The following RFTN1 variants were observed in gnomAD, a reference collection of about 807,000 sequenced individuals.
RFTN1 encodes raftlin, lipid raft linker 1.
RFTN1 carries 26 observed loss-of-function variants against 46.5 expected under a neutral mutation model. That is an observed-to-expected ratio of 0.56 (90% CI 0.41 to 0.78). The LOEUF (loss-of-function observed/expected upper bound fraction) is 0.78. RFTN1 is among the 30% of genes least tolerant of loss of function. RFTN1 has a pLI of 0.00. For synonymous variants in RFTN1, 261 were observed against 284.2 expected (o/e 0.92, Z 0.82); for missense variants, 693 against 718.7 (o/e 0.96, Z 0.41).
At chr3:16,497,168 T>C (rs1013550737) in intron 1 of RFTN1, among the ~76,000 whole-genome samples, 2 of 152,204 alleles carry the variant, frequency 1.3e-5, no homozygotes, top group African/African-American at 4.8e-5. Context: ...ACTGGGCCAC[T>C]GAGCAGTCTC....
In RFTN1 at chr3:16,402,400, A is replaced by C. The variant is rs62236336; in HGVS notation, c.441+6975T>G. On this transcript the variant is annotated intron_variant, in intron 4 of 9. Transcript: ENST00000334133. This position sits in a 1 kb window ranked among gnomAD's most constrained non-coding sequence, Gnocchi z 4.5. ...ACACTCATTGCTGGGATGACACTCC[A>C]TTTTCTGCCTTTACTTCCCCTCAAC... Among the ~76,000 whole-genome samples the C allele has an allele frequency of 0.059, 8,968 of 151,862 alleles. 349 individuals carry two copies. The highest frequency in any genetic ancestry group is 0.11 in the South Asian group (513 of 4,798).
At chr3:16,389,987 G>A (rs1019464987) in intron 4 of RFTN1, among the ~76,000 whole-genome samples, 8 of 152,156 alleles carry the variant, frequency 5.3e-5, no homozygotes, top group African/African-American at 1.9e-4. Flanking sequence ...GCAGTCTGTC[G>A]AGAGGCCTAC....
At chr3:16,416,113 C>A in intron 3 of RFTN1, 1 of 426,964 alleles carries the variant, frequency 2.3e-6, no homozygotes, top group South Asian at 1.7e-5. Flanking sequence ...CCCACTTACA[C>A]AGAGCACTGG....
intron 1 of RFTN1, among the ~76,000 whole-genome samples, chr3:16,503,444 C>T (rs113062930): frequency 3.9e-5 from 6 of 152,300 alleles, no homozygotes; most frequent in South Asian, 2.1e-4. Context: ...AGCCCTGATG[C>T]TCAGGCATTT....
At chr3:16,487,931 C>A (rs915957621) in intron 2 of RFTN1, among the ~76,000 whole-genome samples, 1 of 152,168 alleles carries the variant, frequency 6.6e-6, no homozygotes, top group Non-Finnish European at 1.5e-5. Context: ...AAGACCCAAT[C>A]AAATCACCCA....
chr3:16,426,154 C>T lies in RFTN1; in HGVS notation c.332+7697G>A, dbSNP rs891384326. Among the ~76,000 whole-genome samples, 7 of 152,154 alleles carry T rather than the reference C, an allele frequency of 4.6e-5. No individual in the cohort carries two copies. The highest frequency in any genetic ancestry group is 4.1e-4 in the South Asian group (2 of 4,820). On this transcript the variant is annotated intron_variant, in intron 3 of 9. Coordinates refer to ENST00000334133, the MANE Select transcript of RFTN1 (RefSeq NM_015150.2). This position sits in a 1 kb window ranked among gnomAD's most constrained non-coding sequence, Gnocchi z 5.9. ...ACGCATCAATCAGTGCTAAACCCACCGTTACTTTCTTCCCCACGTGTGATT... is the reference window on the plus strand; with the variant it reads ...ACGCATCAATCAGTGCTAAACCCACTGTTACTTTCTTCCCCACGTGTGATT...
At chr3:16,431,128 C>T (rs534863245) in intron 3 of RFTN1, among the ~76,000 whole-genome samples, 9 of 152,324 alleles carry the variant, frequency 5.9e-5, no homozygotes, top group South Asian at 2.1e-4. Context: ...AAAGATCCAT[C>T]GATGTGCCCC....
At chr3:16,343,941 TGAC>T (rs1375145088) in intron 7 of RFTN1, among the ~76,000 whole-genome samples, 1 of 152,158 alleles carries the variant, frequency 6.6e-6, no homozygotes, top group Non-Finnish European at 1.5e-5. Flanking sequence ...GGGCTGGAAA[TGAC>T]GAGCAACTGC....
chr3:16,404,737 C>G (rs1360531170), intron 4 of RFTN1, among the ~76,000 whole-genome samples: 2 of 152,020 alleles, frequency 1.3e-5, no homozygotes, highest in Admixed American at 6.6e-5. Context: ...TTTGCAGAGC[C>G]CTCGTTCCAC....
chr3:16,442,089 G>A lies in RFTN1; in HGVS notation c.146-8052C>T, dbSNP rs2075636653. On this transcript the variant is annotated intron_variant, in intron 2 of 9. Coordinates refer to ENST00000334133, the MANE Select transcript of RFTN1 (RefSeq NM_015150.2). This position sits in a 1 kb window ranked among gnomAD's most constrained non-coding sequence, Gnocchi z 4.1. ...AAGGGCTTTAAAAATTTAGACTTCT[G>A]TCATCTTCTCATTAAACAAACTCAT... 6.6e-6 allele frequency among the ~76,000 whole-genome samples: 1 copy of A among 152,078 alleles called. No homozygotes were observed.
At chr3:16,453,193 T>G (rs962367558) in intron 2 of RFTN1, among the ~76,000 whole-genome samples, 1 of 152,240 alleles carries the variant, frequency 6.6e-6, no homozygotes, top group African/African-American at 2.4e-5. Context: ...GGGTTGAACC[T>G]GACATTCAAA....
At chr3:16,323,311 C>T (rs1219205428) in intron 9 of RFTN1, 65 bp downstream of exon 9, 15 of 1,246,056 alleles carry the variant, frequency 1.2e-5, no homozygotes, top group African/African-American at 7.6e-5. Context: ...TCAAATGCTG[C>T]AGAAAATCCA....
rs941632450 is a variant in RFTN1 at position 16,504,693 on chromosome 3, G to A, written c.-9+8749C>T. On this transcript the variant is annotated intron_variant, in intron 1 of 9. Coordinates refer to ENST00000334133, the MANE Select transcript of RFTN1 (RefSeq NM_015150.2). The surrounding 1 kb of genome is among the most constrained non-coding windows in gnomAD (Gnocchi z 4.4). ...CCTTAGCACTCACACTCCCTCTCTT[G>A]CCCTAACTTGACCTGCTCCAGGCAA... Among the ~76,000 whole-genome samples the A allele has an allele frequency of 6.6e-6, 1 of 152,022 alleles. No individual in the cohort carries two copies. The highest frequency in any genetic ancestry group is 2.4e-5 in the African/African-American group (1 of 41,368).
rs1271905799 is a variant in RFTN1 at position 16,400,816 on chromosome 3, A to T, written c.441+8559T>A. ...GCCAGGGTGGGAGAGGAACTTCATAAGAAAACAGCGGCCTCCAGGCAGTAG... is the reference window on the plus strand; with the variant it reads ...GCCAGGGTGGGAGAGGAACTTCATATGAAAACAGCGGCCTCCAGGCAGTAG... On this transcript the variant is annotated intron_variant, in intron 4 of 9. Transcript: ENST00000334133. The surrounding 1 kb of genome is among the most constrained non-coding windows in gnomAD (Gnocchi z 4.5). Among the ~76,000 whole-genome samples the T allele has an allele frequency of 2.0e-5, 3 of 152,158 alleles. No homozygotes were observed. Among genetic ancestry groups the T allele is most frequent in the African/African-American group, 7.2e-5 (3 of 41,442 alleles).
intron 4 of RFTN1, among the ~76,000 whole-genome samples, chr3:16,395,595 AC>A (rs1359593996): frequency 6.6e-6 from 1 of 152,134 alleles, no homozygotes; most frequent in African/African-American, 2.4e-5. Flanking sequence ...ACAGACATGC[AC>A]CACCATGCTC....
At chr3:16,505,729 A>G (rs995991654) in intron 1 of RFTN1, among the ~76,000 whole-genome samples, 1 of 152,192 alleles carries the variant, frequency 6.6e-6, no homozygotes, top group Admixed American at 6.5e-5. Flanking sequence ...TTCAAAGTTC[A>G]TCATGCCTAA....
At chr3:16,362,759 G>A (rs1048650990) in intron 6 of RFTN1, among the ~76,000 whole-genome samples, 3 of 152,198 alleles carry the variant, frequency 2.0e-5, no homozygotes, top group African/African-American at 7.2e-5. Context: ...CAGTACTTAA[G>A]TGCTTAATTC....
At chr3:16,464,410 A>G (rs2076055638) in intron 2 of RFTN1, among the ~76,000 whole-genome samples, 1 of 152,148 alleles carries the variant, frequency 6.6e-6, no homozygotes. Flanking sequence ...CACTTCCCAG[A>G]TTTAAACAGA....
chr3:16,389,655 TAGA>T (rs2074300678), intron 4 of RFTN1, among the ~76,000 whole-genome samples: 1 of 152,364 alleles, frequency 6.6e-6, no homozygotes, highest in East Asian at 1.9e-4. Context: ...TCTCTCCTAG[TAGA>T]AGAATGAACC....
Sources: gnomAD v4.1 joint callset for allele counts (sites outside exome capture counted in the v4.1 genomes callset) on GRCh38, gnomAD v4.1.1 for gene constraint, Gnocchi (gnomAD v3.1) non-coding constraint, MANE v1.5 for transcripts, NCBI Gene and HGNC (gene_info 2026-07-23, HGNC 2026-07-21) for gene names.